The following DGKB variants were observed in gnomAD, a reference collection of about 807,000 sequenced individuals.
DGKB encodes the protein diacylglycerol kinase beta, also known as 90 kDa diacylglycerol kinase.
Under a neutral mutation model 114.3 loss-of-function variants are expected in DGKB, and 67 were observed. The ratio of observed to expected loss-of-function variants is 0.59; its 90% CI spans 0.48 to 0.72. The LOEUF is 0.72. DGKB is among the 30% of genes least tolerant of loss of function. The pLI, the probability that DGKB is intolerant of heterozygous loss-of-function variation, is 0.00. For missense variants in DGKB, 907 were observed against 975.2 expected (o/e 0.93, Z 0.93); for synonymous variants, 398 against 323.1 (o/e 1.23, Z -2.49).
intron 21 of DGKB, among the ~76,000 whole-genome samples, chr7:14,400,989 G>C (rs889258669): frequency 6.6e-6 from 1 of 151,698 alleles, no homozygotes; most frequent in African/African-American, 2.4e-5. Context: ...TAGATATGTT[G>C]TCTTGTTGAC....
At chr7:14,675,581 T>C (rs1819709891) in intron 12 of DGKB, among the ~76,000 whole-genome samples, 1 of 151,678 alleles carries the variant, frequency 6.6e-6, no homozygotes, top group Admixed American at 6.6e-5. Flanking sequence ...GTTGATTCCA[T>C]GAAATTCTGG....
At chr7:14,509,617 C>T (rs958702627) in intron 20 of DGKB, among the ~76,000 whole-genome samples, 6 of 152,218 alleles carry the variant, frequency 3.9e-5, no homozygotes, top group Admixed American at 6.5e-5. Flanking sequence ...TTTTCCTCAT[C>T]GGTTCCTCCC....
At chr7:14,649,512 G>A (rs1585341318) in intron 13 of DGKB, among the ~76,000 whole-genome samples, 1 of 151,908 alleles carries the variant, frequency 6.6e-6, no homozygotes, top group Admixed American at 6.6e-5. Flanking sequence ...ACATGGAAAG[G>A]AACAACCGGT....
At chr7:14,406,620 T>C (rs962146262) in intron 21 of DGKB, among the ~76,000 whole-genome samples, 1 of 152,004 alleles carries the variant, frequency 6.6e-6, no homozygotes, top group Non-Finnish European at 1.5e-5. Flanking sequence ...AAACATGCTC[T>C]TAGGTTCAAG....
intron 2 of DGKB, among the ~76,000 whole-genome samples, chr7:14,812,712 C>G (rs1208481644): frequency 1.3e-5 from 2 of 152,120 alleles, no homozygotes; most frequent in African/African-American, 4.8e-5. Flanking sequence ...TCTTTCAACC[C>G]TCTTCACTCT....
intron 23 of DGKB, chr7:14,209,364 A>G (rs1787370987): frequency 2.3e-6 from 1 of 434,966 alleles, no homozygotes; most frequent in African/African-American, 2.1e-5. Context: ...GTATTTGGAA[A>G]GATACAGACA....
intron 23 of DGKB, among the ~76,000 whole-genome samples, chr7:14,315,509 A>AC (rs1806301126): frequency 6.6e-6 from 1 of 151,674 alleles, no homozygotes; most frequent in African/African-American, 2.4e-5. Context: ...CAGACTTGAA[A>AC]CCAACAAAGA....
rs56856122 is a variant in DGKB, at chr7:14,711,376, A to G, written c.466+7166T>C. On this transcript the variant is annotated intron_variant, in intron 6 of 25. Coordinates refer to ENST00000402815, the MANE Select transcript of DGKB (RefSeq NM_001350709.2). ...TAGAACTTTTCTTTCATCCAGAAGA[A>G]GAAAGAGAAATTCAAGGACTTTAAT... is the stretch of plus-strand genomic sequence containing the variant. Among the ~76,000 whole-genome samples, 464 of 152,248 alleles carry G rather than the reference A, an allele frequency of 3.0e-3. 2 individuals carry two copies. Among genetic ancestry groups the G allele is most frequent in the African/African-American group, 0.01 (429 of 41,574 alleles).
chr7:14,605,789 A>G (rs1804391927), intron 17 of DGKB, among the ~76,000 whole-genome samples: 1 of 152,140 alleles, frequency 6.6e-6, no homozygotes, highest in Non-Finnish European at 1.5e-5. Flanking sequence ...TTATTAATTC[A>G]TATTTGTACA....
intron 4 of DGKB, among the ~76,000 whole-genome samples, chr7:14,742,475 T>C (rs1436796955): frequency 2.0e-5 from 3 of 152,218 alleles, no homozygotes; most frequent in African/African-American, 4.8e-5. Flanking sequence ...TTAAAGATTA[T>C]TGGTAAAATT....
At chr7:14,858,945 C>G (rs1382496279) in intron 1 of DGKB, among the ~76,000 whole-genome samples, 2 of 152,096 alleles carry the variant, frequency 1.3e-5, no homozygotes, top group African/African-American at 2.4e-5. Flanking sequence ...GGAAAACAGA[C>G]AAACATATTC....
chr7:14,356,565 T>C (rs1293719266), intron 21 of DGKB, among the ~76,000 whole-genome samples: 1 of 151,952 alleles, frequency 6.6e-6, no homozygotes, highest in Non-Finnish European at 1.5e-5. Flanking sequence ...TTTCATTGTG[T>C]TAGCCAGGAT....
chr7:14,472,326 G>T (rs1478988682), intron 21 of DGKB, among the ~76,000 whole-genome samples: 1 of 152,140 alleles, frequency 6.6e-6, no homozygotes, highest in African/African-American at 2.4e-5. Context: ...GGATAGTTCT[G>T]TAAGGAGGAG....
chr7:14,831,400 C>G (rs906606693), intron 2 of DGKB, among the ~76,000 whole-genome samples: 2 of 152,022 alleles, frequency 1.3e-5, no homozygotes, highest in Non-Finnish European at 2.9e-5. Context: ...TCCAGACTGT[C>G]ATTCCAAGGA....
chr7:14,201,763 AACATTATTTCC>A (rs1562601679), intron 23 of DGKB, among the ~76,000 whole-genome samples: 1 of 151,956 alleles, frequency 6.6e-6, no homozygotes, highest in African/African-American at 2.4e-5. Context: ...TGTAGATGTG[AACATTATTTCC>A]AAATTAATTA....
At chr7:14,940,070 T>G (rs1333501789) in intron 1 of DGKB, among the ~76,000 whole-genome samples, 2 of 152,144 alleles carry the variant, frequency 1.3e-5, no homozygotes, top group Non-Finnish European at 2.9e-5. Flanking sequence ...AATTTTCTCT[T>G]ATACACAGTC....
At position 14,685,298 on chromosome 7, in the gene DGKB, T is replaced by C. The variant is rs759255374; in HGVS notation, c.776A>G (p.Asn259Ser). ...LKHFNKPAYC[N>S]LCLNMLIGVG... ...GCCAATCAGCATGTTCAGGCAAAGGTTGCAATAGGCAGGTTTGTTAAAGTG... is the reference window on the plus strand; with the variant it reads ...GCCAATCAGCATGTTCAGGCAAAGGCTGCAATAGGCAGGTTTGTTAAAGTG... The change falls in exon 10 of 26, where the codon AAC becomes AGC. Residue 259 changes from asparagine (N) to serine (S), a missense_variant. By Grantham distance (46) the Asn-to-Ser change is conservative (BLOSUM62 1). This residue lies in a region of DGKB where 814 missense variants were observed against 856.6 expected (regional missense o/e 0.95). Transcript: ENST00000402815. 5.6e-6 allele frequency: 9 copies of C among 1,613,798 alleles called. No individual in the cohort carries two copies. The highest frequency in any genetic ancestry group is 2.2e-5 in the East Asian group (1 of 44,856).
intron 21 of DGKB, among the ~76,000 whole-genome samples, chr7:14,399,834 G>A (rs1822809698): frequency 6.6e-6 from 1 of 151,730 alleles, no homozygotes; most frequent in East Asian, 1.9e-4. Context: ...TGAAGCCTTT[G>A]AATCTAACAA....
chr7:14,413,909 G>T (rs544388031), intron 21 of DGKB, among the ~76,000 whole-genome samples: 1 of 152,248 alleles, frequency 6.6e-6, no homozygotes, highest in Admixed American at 6.5e-5. Flanking sequence ...TATAGAATTT[G>T]CTTCTTAATG....
Sources: gnomAD v4.1 joint callset for allele counts (sites outside exome capture counted in the v4.1 genomes callset) on GRCh38, gnomAD v4.1.1 for gene constraint, gnomAD v4.1.1 regional missense constraint, MANE v1.5 for transcripts, NCBI Gene and HGNC (gene_info 2026-07-23, HGNC 2026-07-21) for gene names.